The following OCRL variants were observed in gnomAD, a reference collection of about 807,000 sequenced individuals.
OCRL encodes the protein inositol polyphosphate 5-phosphatase OCRL.
Under a neutral mutation model 78.9 loss-of-function variants are expected in OCRL, and 8 were observed. The ratio of observed to expected loss-of-function variants is 0.10; its 90% CI spans 0.06 to 0.18. OCRL has a LOEUF of 0.18. OCRL is among the 10% of genes least tolerant of loss of function. The pLI, the probability that OCRL is intolerant of heterozygous loss-of-function variation, is 1.00. For missense variants in OCRL, 454 were observed against 696.7 expected (o/e 0.65, Z 3.92); for synonymous variants, 240 against 235.4 (o/e 1.02, Z -0.18).
chrX:129,560,377 A>T (rs780467579), intron 8 of OCRL, among the ~76,000 whole-genome samples, 173 bp from the exon 9 acceptor site: 1 of 112,782 alleles, frequency 8.9e-6, no homozygotes, highest in East Asian at 2.8e-4. Flanking sequence ...AAATAAGCCC[A>T]CTGCCTTTGT....
chrX:129,589,656 G>A (rs1471143419), intron 22 of OCRL, 189 bp from the exon 23 acceptor site: 5 of 447,276 alleles, frequency 1.1e-5, no homozygotes, highest in South Asian at 3.2e-5. Context: ...CAAACAGCAC[G>A]GCCACTCTTA....
rs1936594768 is a variant in OCRL, at chrX:129,591,976, CT to C, written c.*1709del. On this transcript the variant is annotated 3_prime_UTR_variant, in exon 24 of 24. Coordinates refer to ENST00000371113, the MANE Select transcript of OCRL (RefSeq NM_000276.4). ...GTAGGGTCATACCACAGGGAAATAC[CT>C]TTCCTGGGCTTGTTTTCTAGCATAT... is the stretch of plus-strand genomic sequence containing the variant. The C allele has an allele frequency of 8.8e-6, 1 of 113,680 alleles. No homozygotes were observed. The highest frequency in any genetic ancestry group is 1.9e-5 in the Non-Finnish European group (1 of 53,278). The allele number at this position is 113,680 out of a possible 1,213,427, so 9.4% of individuals were successfully genotyped here.
intron 4 of OCRL, among the ~76,000 whole-genome samples, chrX:129,556,112 CAGAAAGAAGAAG>C (rs1569458471): frequency 3.6e-5 from 4 of 111,863 alleles, no homozygotes; most frequent in African/African-American, 6.5e-5. Flanking sequence ...TTTACAAAGA[CAGAAAGAAGAAG>C]AAATGCAGAG....
chrX:129,575,571 A>C, intron 16 of OCRL: 1 of 382,703 alleles, frequency 2.6e-6, no homozygotes, highest in Non-Finnish European at 4.6e-6. Flanking sequence ...AATATTTCAG[A>C]GTTGCTAGTT....
intron 4 of OCRL, among the ~76,000 whole-genome samples, chrX:129,552,500 C>T (rs1340950091): frequency 8.9e-6 from 1 of 112,083 alleles, no homozygotes; most frequent in Non-Finnish European, 1.9e-5. Context: ...TCTCAGCTCA[C>T]TGCAACCTCT....
Position 129,562,479 on chromosome X carries a change from A to T in OCRL, c.1035A>T (p.Gly345=). 1 of 1,204,632 alleles carries T rather than the reference A, an allele frequency of 8.3e-7. No individual in the cohort carries two copies. Among genetic ancestry groups the T allele is most frequent in the Non-Finnish European group, 1.1e-6 (1 of 889,007 alleles). ...YIRDIATETV[G]TGIMGKMGNK... ...GTGATATTGCTACAGAAACAGTTGG[A>T]ACTGGAATCATGGGGAAAATGGTGA... is the stretch of plus-strand genomic sequence containing the variant. The change falls in exon 11 of 24, where the codon GGA becomes GGT. Residue 345 remains glycine, a synonymous_variant. Coordinates refer to ENST00000371113, the MANE Select transcript of OCRL (RefSeq NM_000276.4).
chrX:129,560,438 A>T, intron 8 of OCRL, 112 bp from the exon 9 acceptor site: 2 of 480,719 alleles, frequency 4.2e-6, no homozygotes, highest in Non-Finnish European at 7.4e-6. Context: ...CATTTTGAGG[A>T]ATTATGTTAG....
chrX:129,561,922 G>T (rs777894071), intron 10 of OCRL, among the ~76,000 whole-genome samples: 2 of 111,706 alleles, frequency 1.8e-5, no homozygotes, highest in South Asian at 7.5e-4. Flanking sequence ...TCTCATATAG[G>T]TCCCTGACTA....
rs762942816 is a variant in OCRL, at chrX:129,575,267, G to C, written c.1713+17G>C. ...AGGAGGGAGGTGAGCAAAAATACAT[G>C]ATCTCCCTGTCTACTGCTCACTGTG... On this transcript the variant is annotated intron_variant, in intron 16 of 23. Transcript: ENST00000371113. 1 of 1,018,679 alleles carries C rather than the reference G, an allele frequency of 9.8e-7. No individual in the cohort carries two copies. Among genetic ancestry groups the C allele is most frequent in the South Asian group, 1.9e-5 (1 of 52,501 alleles). 84.0% of individuals were successfully genotyped at this position (1,018,679 alleles called of 1,213,427 possible). A position where few individuals can be genotyped will look rare whatever the true frequency, so the allele number is the denominator to read the frequency against.
chrX:129,575,804 A>G (rs777927126), intron 16 of OCRL, 93 bp from the exon 17 acceptor site: 11 of 1,050,705 alleles, frequency 1.0e-5, no homozygotes, highest in African/African-American at 1.8e-5. Context: ...CTGCTTAACA[A>G]TTACCTTACT....
chrX:129,581,563 C>T (rs918889682), intron 18 of OCRL, among the ~76,000 whole-genome samples: 1 of 110,242 alleles, frequency 9.1e-6, no homozygotes, highest in Non-Finnish European at 1.9e-5. Flanking sequence ...AGAAGTAAAT[C>T]TCTTGTCCCT....
At chrX:129,569,227 G>A in intron 14 of OCRL, 37 bp from the exon 15 acceptor site, 1 of 1,204,173 alleles carries the variant, frequency 8.3e-7, no homozygotes, top group Non-Finnish European at 1.1e-6. Context: ...GTTCTTGTGT[G>A]ATATGTTCTC....
chrX:129,586,034 G>C (rs1310897323), intron 19 of OCRL, among the ~76,000 whole-genome samples: 1 of 111,403 alleles, frequency 9.0e-6, no homozygotes, highest in Non-Finnish European at 1.9e-5. Context: ...AAAAAAATTG[G>C]TCATGGTTCT....
chrX:129,571,564 C>G (rs1037252281), intron 15 of OCRL, among the ~76,000 whole-genome samples: 1 of 109,035 alleles, frequency 9.2e-6, no homozygotes, highest in Non-Finnish European at 1.9e-5. Context: ...GATCTCCTGA[C>G]CTTGTGGTCC....
At chrX:129,563,062 A>G (rs1936166485) in intron 12 of OCRL, among the ~76,000 whole-genome samples, 1 of 112,240 alleles carries the variant, frequency 8.9e-6, no homozygotes, top group Non-Finnish European at 1.9e-5. Context: ...TTTATGATAA[A>G]ATAGAAATAT....
Position 129,557,957 on chromosome X carries a change from A to T in OCRL, c.439+7A>T. 1 of 1,120,289 alleles carries T rather than the reference A, an allele frequency of 8.9e-7. No individual in the cohort carries two copies. The allele number at this position is 1,120,289 out of a possible 1,213,427, so 92.3% of individuals were successfully genotyped here. ...AAACCTTCTGTTTTTTCAGGTACTA[A>T]AAAGTTCCTGGTTTCCTTGTTGCTA... On this transcript the variant is annotated splice_region_variant and intron_variant, in intron 6 of 23. Transcript: ENST00000371113.
chrX:129,581,122 C>G (rs1356501177), intron 18 of OCRL, among the ~76,000 whole-genome samples: 1 of 112,847 alleles, frequency 8.9e-6, no homozygotes, highest in South Asian at 3.6e-4. Context: ...GCCTCAGCTT[C>G]CCAAGGTGCT....
At chrX:129,547,291 CAAG>C (rs1238407675) in intron 3 of OCRL, among the ~76,000 whole-genome samples, 4 of 109,844 alleles carry the variant, frequency 3.6e-5, no homozygotes, top group Non-Finnish European at 7.6e-5. Flanking sequence ...TTTGGGAGGC[CAAG>C]GTGGGCAGAT....
intron 3 of OCRL, among the ~76,000 whole-genome samples, chrX:129,545,503 C>T (rs1257521436): frequency 8.9e-6 from 1 of 112,357 alleles, no homozygotes; most frequent in Non-Finnish European, 1.9e-5. Flanking sequence ...GATTCTCAAA[C>T]CTTGACATTG....
Sources: allele counts gnomAD v4.1 joint callset (sites outside exome capture counted in the v4.1 genomes callset), GRCh38; gene constraint gnomAD v4.1.1; transcripts MANE v1.5; gene names NCBI Gene and HGNC (gene_info 2026-07-23, HGNC 2026-07-21).